NDUFA5: variants seen among roughly 807,000 people sequenced by gnomAD.
NDUFA5 encodes the protein NADH dehydrogenase [ubiquinone] 1 alpha subcomplex subunit 5.
In NDUFA5, 11 loss-of-function variants were observed where a neutral mutation model predicts 19.8. That is an observed-to-expected ratio of 0.56 (90% CI 0.35 to 0.92). NDUFA5 has a LOEUF of 0.92. NDUFA5 is among the 40% of genes least tolerant of loss of function. The probability of loss-of-function intolerance (pLI) is 0.01; values close to 1 mark genes in which losing one functional copy is unlikely to be tolerated. For missense variants in NDUFA5, 109 were observed against 134.2 expected (o/e 0.81, Z 0.93); for synonymous variants, 47 against 46.8 (o/e 1.00, Z -0.01).
At chr7:123,546,516 A>G (rs552837140) in intron 3 of NDUFA5, 131 of 397,502 alleles carry the variant, frequency 3.3e-4, no homozygotes, top group Middle Eastern at 8.4e-4. Context: ...ACATTCAATG[A>G]CATTTAGTTA....
At chr7:123,595,692 C>T in the NDUFA5 span, among the ~76,000 whole-genome samples, 1 of 152,198 alleles carries the variant, frequency 6.6e-6, no homozygotes, top group African/African-American at 2.4e-5. Context: ...TTAAATACTG[C>T]ACTGGTGAGA....
At chr7:123,585,357 A>T in the NDUFA5 span, among the ~76,000 whole-genome samples, 11 of 151,742 alleles carry the variant, frequency 7.2e-5, no homozygotes, top group South Asian at 2.3e-3. Flanking sequence ...TATTCCCTAA[A>T]CCTTAATTTA....
chr7:123,547,276 A>C (rs562853815), intron 3 of NDUFA5, among the ~76,000 whole-genome samples: 1 of 152,318 alleles, frequency 6.6e-6, no homozygotes, highest in African/African-American at 2.4e-5. Flanking sequence ...CAGCCATACG[A>C]AATTAATACA....
chr7:123,571,055 C>T, the NDUFA5 span, among the ~76,000 whole-genome samples: 1 of 152,158 alleles, frequency 6.6e-6, no homozygotes, highest in Admixed American at 6.5e-5. Context: ...AGTCTGCGTT[C>T]CAGGTCATTT....
the NDUFA5 span, chr7:123,567,089 G>T: frequency 6.6e-6 from 1 of 152,162 alleles, no homozygotes; most frequent in East Asian, 1.9e-4. Flanking sequence ...CCTGACTAAG[G>T]TACTGCATAA....
At chr7:123,551,705 A>C (rs985860467) in intron 2 of NDUFA5, 7 of 180,876 alleles carry the variant, frequency 3.9e-5, no homozygotes, top group Non-Finnish European at 7.4e-5. Context: ...TAAAAGGCTC[A>C]ACCGAAAAAG....
the NDUFA5 span, among the ~76,000 whole-genome samples, chr7:123,599,501 T>C: frequency 6.6e-6 from 1 of 152,202 alleles, no homozygotes; most frequent in East Asian, 1.9e-4. Context: ...AGTGCCACAC[T>C]CTTTTTCAGG....
the NDUFA5 span, among the ~76,000 whole-genome samples, chr7:123,574,006 G>A: frequency 6.6e-6 from 1 of 151,934 alleles, no homozygotes; most frequent in Admixed American, 6.6e-5. Flanking sequence ...TAATATGATA[G>A]ACCAAAGAAA....
upstream of NDUFA5, among the ~76,000 whole-genome samples, chr7:123,561,558 T>C (rs961368220): frequency 1.4e-4 from 21 of 152,132 alleles, no homozygotes; most frequent in African/African-American, 5.1e-4. Flanking sequence ...AATCAACTTT[T>C]GCTAAACTCC....
chr7:123,589,611 G>T, the NDUFA5 span, among the ~76,000 whole-genome samples: 1 of 151,990 alleles, frequency 6.6e-6, no homozygotes, highest in African/African-American at 2.4e-5. Context: ...GAGAATGGTG[G>T]TTTCCAGCTT....
rs1355105519 is a variant in NDUFA5, at chr7:123,540,288, T to C, written c.*1831A>G. ...TATAATATTATTTTTACAATGACTA[T>C]TATTCTGCAACTAGCATTTCTAATG... On this transcript the variant is annotated 3_prime_UTR_variant, in exon 5 of 5. Coordinates refer to ENST00000355749, the MANE Select transcript of NDUFA5 (RefSeq NM_005000.5). 6.6e-6 allele frequency: 1 copy of C among 152,224 alleles called. No individual in the cohort carries two copies. Among genetic ancestry groups the C allele is most frequent in the East Asian group, 1.9e-4 (1 of 5,198 alleles). 9.4% of individuals were successfully genotyped at this position (152,224 alleles called of 1,614,324 possible).
intron 2 of NDUFA5, chr7:123,551,555 T>TAA: frequency 1.1e-6 from 1 of 939,258 alleles, no homozygotes; most frequent in Non-Finnish European, 1.3e-6. Flanking sequence ...ATTTTTTTTT[T>TAA]TAATTTTTCT....
intron 2 of NDUFA5, 113 bp from the exon 3 acceptor site, chr7:123,550,699 C>CTTT (rs541667599): frequency 4.3e-6 from 2 of 470,026 alleles, no homozygotes; most frequent in Non-Finnish European, 7.4e-6. Flanking sequence ...TTTTTTTTTG[C>CTTT]TTTTTTTTTT....
chr7:123,554,263 T>C (rs1798457520), intron 2 of NDUFA5, among the ~76,000 whole-genome samples: 1 of 152,174 alleles, frequency 6.6e-6, no homozygotes. Context: ...GTAAATAAAA[T>C]AATTAAATTT....
chr7:123,561,096 G>A (rs1798682140), upstream of NDUFA5, among the ~76,000 whole-genome samples: 1 of 152,142 alleles, frequency 6.6e-6, no homozygotes, highest in Non-Finnish European at 1.5e-5. Context: ...TTGGTCAGAT[G>A]GCAATACTCA....
At chr7:123,588,023 TG>T in the NDUFA5 span, among the ~76,000 whole-genome samples, 2 of 151,932 alleles carry the variant, frequency 1.3e-5, no homozygotes, top group East Asian at 3.9e-4. Context: ...TGTCTGGCTT[TG>T]GTATCAGGAT....
At chr7:123,571,604 A>T in the NDUFA5 span, among the ~76,000 whole-genome samples, 28 of 152,356 alleles carry the variant, frequency 1.8e-4, no homozygotes, top group African/African-American at 6.5e-4. Context: ...GAGAAGCATT[A>T]TATCAAAAAA....
chr7:123,542,352 GAAT>G, intron 4 of NDUFA5, 132 bp from the exon 5 acceptor site: 1 of 590,654 alleles, frequency 1.7e-6, no homozygotes, highest in Non-Finnish European at 2.9e-6. Context: ...ATCAAATGTT[GAAT>G]ATTAAGTAAT....
intron 4 of NDUFA5, among the ~76,000 whole-genome samples, chr7:123,543,821 T>C (rs530052132): frequency 2.0e-4 from 30 of 152,234 alleles, no homozygotes; most frequent in Non-Finnish European, 3.2e-4. Flanking sequence ...CCCATAACAC[T>C]GTATCTAGTA....
Sources: gnomAD v4.1 joint callset for allele counts (sites outside exome capture counted in the v4.1 genomes callset) on GRCh38, gnomAD v4.1.1 for gene constraint, MANE v1.5 for transcripts, NCBI Gene and HGNC (gene_info 2026-07-23, HGNC 2026-07-21) for gene names.